The following CDH4 variants were observed in gnomAD, a reference collection of about 807,000 sequenced individuals.
CDH4 encodes cadherin 4, also known as cadherin-4.
In CDH4, 33 loss-of-function variants were observed where a neutral mutation model predicts 86.0. That is an observed-to-expected ratio of 0.38 (90% CI 0.29 to 0.51). The LOEUF (loss-of-function observed/expected upper bound fraction) is 0.51, where lower values mean the gene tolerates loss of function less well. Ranked by LOEUF, CDH4 falls within the 20% of genes least tolerant of loss-of-function variation. CDH4 has a pLI of 0.86. For missense variants in CDH4, 1,114 were observed against 1,307.4 expected, an observed-to-expected ratio of 0.85 and a Z score of 2.28; for synonymous variants, 555 against 549.4, an observed-to-expected ratio of 1.01 and a Z score of -0.14.
chr20:61,681,863 C>T lies in CDH4; in HGVS notation c.170-61700C>T, dbSNP rs1421790416. Among the ~76,000 whole-genome samples, 4 of 152,130 alleles carry T rather than the reference C, an allele frequency of 2.6e-5. No homozygotes were observed. Among genetic ancestry groups the T allele is most frequent in the Admixed American group, 2.0e-4 (3 of 15,272 alleles). ...TGTCTTTGAGGGTGTGTGGTGTATA[C>T]GGGAGCAAGCAGGTTCAGCAGAAAA... is the stretch of plus-strand genomic sequence containing the variant. On this transcript the variant is annotated intron_variant, in intron 2 of 15. Coordinates refer to ENST00000614565, the MANE Select transcript of CDH4 (RefSeq NM_001794.5). The surrounding 1 kb of genome is among the most constrained non-coding windows in gnomAD (Gnocchi z 4.5).
intron 2 of CDH4, among the ~76,000 whole-genome samples, chr20:61,292,494 G>A (rs756044260): frequency 4.6e-5 from 7 of 152,224 alleles, no homozygotes; most frequent in Non-Finnish European, 8.8e-5. Context: ...AGGGGCACTG[G>A]GCAACTACTG....
intron 2 of CDH4, among the ~76,000 whole-genome samples, chr20:61,602,694 TAAAAAA>T (rs10641053): frequency 3.7e-4 from 33 of 89,128 alleles, no homozygotes; most frequent in Admixed American, 1.4e-3. Flanking sequence ...TTCACTTTAT[TAAAAAA>T]AAAAAAAAAA....
chr20:61,599,760 C>T (rs2086583610), intron 2 of CDH4: 5 of 984,370 alleles, frequency 5.1e-6, no homozygotes, highest in Non-Finnish European at 6.0e-6. Context: ...GCCTCTCCCA[C>T]GCACTGGCGC....
At chr20:61,304,359 G>C (rs561687779) in intron 2 of CDH4, among the ~76,000 whole-genome samples, 1 of 150,968 alleles carries the variant, frequency 6.6e-6, no homozygotes, top group Non-Finnish European at 1.5e-5. Context: ...ACTTCATTCT[G>C]ATACTGGTTT....
chr20:61,575,991 A>G (rs2145712341), intron 2 of CDH4, among the ~76,000 whole-genome samples: 2 of 152,250 alleles, frequency 1.3e-5, no homozygotes, highest in Middle Eastern at 6.8e-3. Flanking sequence ...TTGGTCTAAG[A>G]CATGGTCTAA....
chr20:61,757,269 C>T (rs530893090), intron 3 of CDH4, among the ~76,000 whole-genome samples: 2 of 152,008 alleles, frequency 1.3e-5, no homozygotes, highest in South Asian at 4.2e-4. Flanking sequence ...GCTCGAGTTT[C>T]GGGGGTGGTG....
chr20:61,449,670 C>T (rs991489611), intron 2 of CDH4, among the ~76,000 whole-genome samples: 2 of 152,136 alleles, frequency 1.3e-5, no homozygotes, highest in African/African-American at 2.4e-5. Flanking sequence ...GACTTAAGAA[C>T]TTGAAATCAC....
At chr20:61,339,325 A>G (rs2084636929) in intron 2 of CDH4, among the ~76,000 whole-genome samples, 1 of 152,124 alleles carries the variant, frequency 6.6e-6, no homozygotes, top group Non-Finnish European at 1.5e-5. Context: ...ACTGATGGTG[A>G]TGATGATGAT....
chr20:61,409,708 C>T (rs953150835), intron 2 of CDH4, among the ~76,000 whole-genome samples: 3 of 152,286 alleles, frequency 2.0e-5, no homozygotes, highest in South Asian at 2.1e-4. Context: ...TTCTTCTACA[C>T]TGCACTTTCC....
chr20:61,385,411 A>G (rs144911580), intron 2 of CDH4, among the ~76,000 whole-genome samples: 2,673 of 152,084 alleles, frequency 0.018, 35 homozygotes, highest in Middle Eastern at 0.037. Flanking sequence ...AATCCCCTGG[A>G]CAAGAACAGC....
chr20:61,287,128 A>G (rs189409884), intron 2 of CDH4, among the ~76,000 whole-genome samples: 38 of 152,286 alleles, frequency 2.5e-4, no homozygotes, highest in Admixed American at 2.0e-3. Context: ...TCTTCGTCTG[A>G]AAACCAGGAT....
At chr20:61,652,938 A>ATTTTTTTATTTT (rs1555819717) in intron 2 of CDH4, among the ~76,000 whole-genome samples, 1 of 97,400 alleles carries the variant, frequency 1.0e-5, no homozygotes, top group African/African-American at 3.4e-5. Flanking sequence ...TTATTTATTT[A>ATTTTTTTATTTT]TTTTTTTTTT....
At chr20:61,584,969 T>C (rs888944904) in intron 2 of CDH4, among the ~76,000 whole-genome samples, 1 of 152,210 alleles carries the variant, frequency 6.6e-6, no homozygotes, top group African/African-American at 2.4e-5. Flanking sequence ...CCATCGCCGA[T>C]GTGAGGCCCC....
At chr20:61,560,566 GT>G (rs2086209220) in intron 2 of CDH4, among the ~76,000 whole-genome samples, 2 of 152,174 alleles carry the variant, frequency 1.3e-5, no homozygotes, top group Non-Finnish European at 2.9e-5. Flanking sequence ...TCCCTAGCGG[GT>G]TACTTACCCC....
chr20:61,748,367 G>A (rs1462109706), intron 3 of CDH4, among the ~76,000 whole-genome samples: 5 of 152,106 alleles, frequency 3.3e-5, no homozygotes, highest in South Asian at 2.1e-4. Context: ...TCTTAATCTC[G>A]TGATCTGCCT....
At chr20:61,700,647 G>A (rs1390658479) in intron 2 of CDH4, among the ~76,000 whole-genome samples, 1 of 151,728 alleles carries the variant, frequency 6.6e-6, no homozygotes, top group Non-Finnish European at 1.5e-5. Flanking sequence ...ACCCCATACA[G>A]CCTCACTGTG....
chr20:61,600,004 T>C (rs2086587161), intron 2 of CDH4: 6 of 948,880 alleles, frequency 6.3e-6, no homozygotes, highest in Non-Finnish European at 7.5e-6. Context: ...CCCGTGCTAA[T>C]GATGGGGAAA....
rs540801304 is a variant in CDH4 at position 61,804,064 on chromosome 20, C to T, written c.576+30882C>T. ...CCAAGAGAGAGGCGCCTGCTCTCCA[C>T]ACGAGCTTGTTGTTGGTAAGGAGGC... is the stretch of plus-strand genomic sequence containing the variant. On this transcript the variant is annotated intron_variant, in intron 4 of 15. Coordinates refer to ENST00000614565, the MANE Select transcript of CDH4 (RefSeq NM_001794.5). Among the ~76,000 whole-genome samples the T allele has an allele frequency of 3.9e-5, 6 of 152,378 alleles. No homozygotes were observed. The East Asian group carries it at 1.2e-3, about 29-fold the overall frequency.
chr20:61,586,401 T>C (rs1240445023), intron 2 of CDH4, among the ~76,000 whole-genome samples: 3 of 152,130 alleles, frequency 2.0e-5, no homozygotes, highest in Admixed American at 2.0e-4. Flanking sequence ...TGATCCTCCA[T>C]TTCCTTTCCC....
Sources: gnomAD v4.1 joint callset for allele counts (sites outside exome capture counted in the v4.1 genomes callset) on GRCh38, gnomAD v4.1.1 for gene constraint, Gnocchi (gnomAD v3.1) non-coding constraint, MANE v1.5 for transcripts, NCBI Gene and HGNC (gene_info 2026-07-23, HGNC 2026-07-21) for gene names.